CNTN4: variants seen among roughly 807,000 people sequenced by gnomAD.
CNTN4 encodes the protein contactin-4.
A neutral mutation model predicts 122.5 loss-of-function variants in CNTN4; 77 were observed. That is an observed-to-expected ratio of 0.63 (90% confidence interval 0.52 to 0.76). CNTN4 has a LOEUF of 0.76. CNTN4 is among the 30% of genes least tolerant of loss of function. CNTN4 has a pLI of 0.00. For synonymous variants in CNTN4, 512 were observed against 447.0 expected (o/e 1.15, Z -1.83); for missense variants, 1,256 against 1,259.1 (o/e 1.00, Z 0.04).
intron 4 of CNTN4, among the ~76,000 whole-genome samples, chr3:2,647,650 C>T (rs922850377): frequency 1.3e-5 from 2 of 152,114 alleles, no homozygotes; most frequent in East Asian, 1.9e-4. Flanking sequence ...ATTACCTAAA[C>T]TCAGGCAAGT....
At chr3:2,407,810 G>A (rs914137574) in intron 3 of CNTN4, among the ~76,000 whole-genome samples, 1 of 152,140 alleles carries the variant, frequency 6.6e-6, no homozygotes, top group African/African-American at 2.4e-5. Context: ...ACTATTTTGA[G>A]AATGGGTAAG....
Position 2,866,912 on chromosome 3 carries a change from C to T in CNTN4, c.615C>T (p.Val205=). The change falls in exon 8 of 25, where the codon GTC becomes GTT. Residue 205 remains valine, a synonymous_variant. Transcript: ENST00000418658. ...VVTNTVTNHK[V]LGPPTPLILR... ...CCAATACCGTGACAAACCACAAGGT[C>T]CTGGGGCCACCTACACCACTAATAT... The T allele has an allele frequency of 6.2e-7, 1 of 1,613,970 alleles. No individual in the cohort carries two copies.
chr3:2,347,220 A>C (rs1037595910), intron 3 of CNTN4, among the ~76,000 whole-genome samples: 7 of 152,270 alleles, frequency 4.6e-5, no homozygotes, highest in Admixed American at 6.5e-5. Context: ...ATTCTCAATG[A>C]AAGTTAACAG....
At chr3:2,497,377 T>A (rs923237757) in intron 3 of CNTN4, among the ~76,000 whole-genome samples, 1 of 152,208 alleles carries the variant, frequency 6.6e-6, no homozygotes, top group Non-Finnish European at 1.5e-5. Context: ...TATAGCATTT[T>A]CACCCTCAAA....
In CNTN4 at chr3:2,558,478, T is replaced by G. The variant is rs1281699037; in HGVS notation, c.-88-12938T>G. On this transcript the variant is annotated intron_variant, in intron 3 of 24. Coordinates refer to ENST00000418658, the MANE Select transcript of CNTN4 (RefSeq NM_175607.3). ...ACTCAATTTTCTGATGTTCCCTCCT[T>G]TTTTTTTATTGATGTCATGCATTGT... is the stretch of plus-strand genomic sequence containing the variant. 5.3e-5 allele frequency among the ~76,000 whole-genome samples: 8 copies of G among 150,948 alleles called. No individual in the cohort carries two copies. In the South Asian group the frequency reaches 1.3e-3, roughly 24 times the overall value.
At chr3:2,519,527 A>G (rs1188193317) in intron 3 of CNTN4, among the ~76,000 whole-genome samples, 1 of 152,098 alleles carries the variant, frequency 6.6e-6, no homozygotes, top group Non-Finnish European at 1.5e-5. Context: ...ATTTCTTTTC[A>G]CATTCTGTAC....
intron 6 of CNTN4, among the ~76,000 whole-genome samples, chr3:2,762,435 GC>G (rs1479205041): frequency 6.6e-6 from 1 of 152,110 alleles, no homozygotes; most frequent in Non-Finnish European, 1.5e-5. Flanking sequence ...TCATCATTTA[GC>G]TTCCACTTAT....
At chr3:2,479,551 G>T (rs1575726559) in intron 3 of CNTN4, among the ~76,000 whole-genome samples, 1 of 152,312 alleles carries the variant, frequency 6.6e-6, no homozygotes, top group Non-Finnish European at 1.5e-5. Flanking sequence ...TTATAAGGGG[G>T]ATAATGAAAC....
chr3:2,972,326 A>G lies in CNTN4; in HGVS notation c.1359-16019A>G, dbSNP rs186654437. On this transcript the variant is annotated intron_variant, in intron 13 of 24. Coordinates refer to ENST00000418658, the MANE Select transcript of CNTN4 (RefSeq NM_175607.3). ...CATACACACACAGACACATACACTC[A>G]CTCCTACACATACACATACAGACAC... 1.1e-3 allele frequency among the ~76,000 whole-genome samples: 170 copies of G among 152,052 alleles called. 1 individual carries two copies. Among genetic ancestry groups the G allele is most frequent in the African/African-American group, 3.9e-3 (162 of 41,494 alleles).
chr3:3,026,030 G>C (rs1214476161), intron 14 of CNTN4, 72 bp from the exon 15 acceptor site: 9 of 1,400,162 alleles, frequency 6.4e-6, no homozygotes, highest in South Asian at 1.2e-5. Context: ...TGCTCTTGGA[G>C]TCTACATTGT....
chr3:2,418,633 C>A lies in CNTN4; in HGVS notation c.-89+79400C>A, dbSNP rs559916180. The stretch of plus-strand genomic sequence containing the variant: ...TGCTGATAAAGCTGAAATAAAGAAT[C>A]AGTAAAAAGGTTTCACTTTTGTAAA... On this transcript the variant is annotated intron_variant, in intron 3 of 24. Transcript: ENST00000418658. Among the ~76,000 whole-genome samples, 6 of 152,056 alleles carry A rather than the reference C, an allele frequency of 3.9e-5. No individual in the cohort carries two copies. In the East Asian group the frequency reaches 1.2e-3, roughly 29 times the overall value.
intron 12 of CNTN4, among the ~76,000 whole-genome samples, chr3:2,915,917 C>T (rs891876963): frequency 6.6e-6 from 1 of 152,132 alleles, no homozygotes; most frequent in Non-Finnish European, 1.5e-5. Flanking sequence ...GCTAATGAAA[C>T]GAGCCAGTCA....
At chr3:2,198,028 G>GAAAAAAAAAAAA (rs5846169) in intron 2 of CNTN4, among the ~76,000 whole-genome samples, 14 of 138,060 alleles carry the variant, frequency 1.0e-4, no homozygotes, top group African/African-American at 4.0e-4. Flanking sequence ...ACTCTCTCTG[G>GAAAAAAAAAAAA]AAAAAAAAAA....
intron 12 of CNTN4, among the ~76,000 whole-genome samples, chr3:2,924,454 A>G (rs994080613): frequency 3.3e-5 from 5 of 152,226 alleles, no homozygotes; most frequent in African/African-American, 1.2e-4. Flanking sequence ...CTTTTAAAAT[A>G]TGATAAAATT....
intron 4 of CNTN4, among the ~76,000 whole-genome samples, chr3:2,600,160 T>C (rs1258536481): frequency 6.6e-6 from 1 of 151,800 alleles, no homozygotes; most frequent in Non-Finnish European, 1.5e-5. Flanking sequence ...CTCTCTCCTC[T>C]CTTTCTGGGG....
chr3:2,867,206 C>T (rs1324105154), intron 8 of CNTN4, among the ~76,000 whole-genome samples: 2 of 152,100 alleles, frequency 1.3e-5, no homozygotes, highest in Non-Finnish European at 2.9e-5. Flanking sequence ...ATATAAATAA[C>T]AAAGGAAGGT....
At chr3:2,405,324 T>C (rs1257369404) in intron 3 of CNTN4, among the ~76,000 whole-genome samples, 2 of 152,166 alleles carry the variant, frequency 1.3e-5, no homozygotes, top group Non-Finnish European at 2.9e-5. Context: ...TATCTTGGTA[T>C]TTAAATATCA....
intron 7 of CNTN4, among the ~76,000 whole-genome samples, chr3:2,845,690 A>G (rs1253136963): frequency 6.6e-6 from 1 of 152,202 alleles, no homozygotes; most frequent in Non-Finnish European, 1.5e-5. Flanking sequence ...TAAAATACTC[A>G]GATCAATCCT....
At chr3:2,138,614 C>A (rs533103318) in intron 2 of CNTN4, among the ~76,000 whole-genome samples, 1 of 152,088 alleles carries the variant, frequency 6.6e-6, no homozygotes, top group Admixed American at 6.6e-5. Flanking sequence ...ACAAAAATAC[C>A]GAAGGGGAAA....
Sources: gnomAD v4.1 joint callset for allele counts (sites outside exome capture counted in the v4.1 genomes callset) on GRCh38, gnomAD v4.1.1 for gene constraint, MANE v1.5 for transcripts, NCBI Gene and HGNC (gene_info 2026-07-23, HGNC 2026-07-21) for gene names.